The following DOK6 variants were observed in gnomAD, a reference collection of about 807,000 sequenced individuals.
DOK6 encodes downstream of tyrosine kinase 6.
A neutral mutation model predicts 44.0 loss-of-function variants in DOK6; 22 were observed. The ratio of observed to expected loss-of-function variants is 0.50; its 90% CI spans 0.36 to 0.71. The LOEUF is 0.71. DOK6 is among the 30% of genes least tolerant of loss of function. The pLI is 0.00. For missense variants in DOK6, 340 were observed against 416.4 expected, an observed-to-expected ratio of 0.82 and a Z score of 1.60; for synonymous variants, 166 against 145.5, an observed-to-expected ratio of 1.14 and a Z score of -1.01.
intron 1 of DOK6, among the ~76,000 whole-genome samples, chr18:69,530,254 T>TA: frequency 6.6e-6 from 1 of 152,144 alleles, no homozygotes; most frequent in Non-Finnish European, 1.5e-5. Context: ...ACCTTTTTTT[T>TA]ATTATTAACT....
chr18:69,603,530 G>A (rs983757399), intron 3 of DOK6, among the ~76,000 whole-genome samples: 2 of 152,280 alleles, frequency 1.3e-5, no homozygotes, highest in African/African-American at 4.8e-5. Flanking sequence ...CCAGCACTTC[G>A]GGAGGCCGAG....
intron 1 of DOK6, among the ~76,000 whole-genome samples, chr18:69,411,212 T>A (rs1046319941): frequency 6.6e-6 from 1 of 152,160 alleles, no homozygotes; most frequent in African/African-American, 2.4e-5. Flanking sequence ...GGTAACAATA[T>A]GTGTCTAGAT....
At chr18:69,748,029 CAA>C (rs1227574950) in intron 6 of DOK6, among the ~76,000 whole-genome samples, 1 of 151,794 alleles carries the variant, frequency 6.6e-6, no homozygotes, top group Non-Finnish European at 1.5e-5. Flanking sequence ...CACATAGACT[CAA>C]AATAAAAGGG....
intron 3 of DOK6, among the ~76,000 whole-genome samples, chr18:69,643,955 G>A (rs562070291): frequency 5.3e-5 from 8 of 152,260 alleles, no homozygotes; most frequent in East Asian, 1.9e-4. Flanking sequence ...GGATAGGTGC[G>A]TAGTGACATT....
At chr18:69,809,837 C>G (rs1197612350) in intron 7 of DOK6, among the ~76,000 whole-genome samples, 1 of 151,726 alleles carries the variant, frequency 6.6e-6, no homozygotes, top group East Asian at 1.9e-4. Flanking sequence ...TTGAAGAAGA[C>G]ACAAATAAAT....
At chr18:69,626,130 T>A (rs1422053392) in intron 3 of DOK6, among the ~76,000 whole-genome samples, 1 of 152,210 alleles carries the variant, frequency 6.6e-6, no homozygotes, top group African/African-American at 2.4e-5. Flanking sequence ...AGTAATCCAT[T>A]GTATTTTTCT....
chr18:69,662,295 T>TAA (rs1177633067), intron 3 of DOK6: 2 of 152,438 alleles, frequency 1.3e-5, no homozygotes, highest in Non-Finnish European at 2.9e-5. Context: ...GAGCTACTCT[T>TAA]TATAGTCTTC....
In DOK6 at chr18:69,841,904, A is replaced by C. The variant is rs1161807641; in HGVS notation, c.*521A>C. On this transcript the variant is annotated 3_prime_UTR_variant, in exon 8 of 8. Coordinates refer to ENST00000382713, the MANE Select transcript of DOK6 (RefSeq NM_152721.6). ...TAAACCCAGTGACAATTAAAGGAAC[A>C]TGAAATTCAGAACACACTATTAAGC... is the stretch of plus-strand genomic sequence containing the variant. 6.3e-6 allele frequency: 1 copy of C among 158,014 alleles called. No homozygotes were observed. The highest frequency in any genetic ancestry group is 2.4e-5 in the African/African-American group (1 of 41,626). The allele number at this position is 158,014 out of a possible 1,614,324, so 9.8% of individuals were successfully genotyped here. A position where few individuals can be genotyped will look rare whatever the true frequency, so the allele number is the denominator to read the frequency against.
chr18:69,426,707 T>G (rs1978645759), intron 1 of DOK6, among the ~76,000 whole-genome samples: 1 of 152,220 alleles, frequency 6.6e-6, no homozygotes. Context: ...CATACCCATT[T>G]TTTCACTTTG....
At chr18:69,470,182 A>G (rs1980055453) in intron 1 of DOK6, 1 of 151,484 alleles carries the variant, frequency 6.6e-6, no homozygotes, top group Admixed American at 6.6e-5. Context: ...GTCTGGCCCC[A>G]AGTCCAGGGG....
In DOK6 at chr18:69,430,257, G is replaced by A. The variant is rs551405019; in HGVS notation, c.66+28947G>A. Among the ~76,000 whole-genome samples, 345 of 152,278 alleles carry A rather than the reference G, an allele frequency of 2.3e-3. 3 individuals are homozygous for A. Among genetic ancestry groups the A allele is most frequent in the African/African-American group, 7.9e-3 (328 of 41,570 alleles). On this transcript the variant is annotated intron_variant, in intron 1 of 7. Transcript: ENST00000382713. ...CATCCAATTTTAGAATATTTATTATGCCTGTATCTTCAGTCTAAGCATTCA... is the reference window on the plus strand; with the variant it reads ...CATCCAATTTTAGAATATTTATTATACCTGTATCTTCAGTCTAAGCATTCA...
intron 1 of DOK6, among the ~76,000 whole-genome samples, chr18:69,404,556 A>G (rs1340880256): frequency 6.6e-6 from 1 of 152,174 alleles, no homozygotes; most frequent in Non-Finnish European, 1.5e-5. Context: ...ATTGTCATCA[A>G]TATCACTGTA....
At chr18:69,625,390 C>T (rs969933848) in intron 3 of DOK6, among the ~76,000 whole-genome samples, 2 of 152,030 alleles carry the variant, frequency 1.3e-5, no homozygotes, top group African/African-American at 4.8e-5. Flanking sequence ...GGGTAACTTC[C>T]CTGAAATCAC....
intron 1 of DOK6, among the ~76,000 whole-genome samples, chr18:69,425,957 G>A (rs1011016242): frequency 2.6e-5 from 4 of 151,890 alleles, no homozygotes; most frequent in African/African-American, 4.8e-5. Flanking sequence ...CCCTAAAATC[G>A]CAAAGATATT....
chr18:69,598,736 G>C (rs1983804703), intron 2 of DOK6, among the ~76,000 whole-genome samples: 2 of 151,972 alleles, frequency 1.3e-5, no homozygotes, highest in African/African-American at 4.8e-5. Context: ...CCAATAAGGA[G>C]TCAACATCCA....
intron 1 of DOK6, among the ~76,000 whole-genome samples, chr18:69,429,857 G>A (rs1978755760): frequency 5.9e-5 from 9 of 151,410 alleles, no homozygotes; most frequent in African/African-American, 2.2e-4. Flanking sequence ...CTTATCTCTG[G>A]AATTTTTCCA....
intron 7 of DOK6, among the ~76,000 whole-genome samples, chr18:69,835,528 G>T (rs1982028914): frequency 6.6e-6 from 1 of 151,652 alleles, no homozygotes; most frequent in Non-Finnish European, 1.5e-5. Context: ...TGCAGTAAGA[G>T]CCTGTGAAAT....
chr18:69,590,539 T>C (rs1157809511), intron 2 of DOK6, among the ~76,000 whole-genome samples: 1 of 152,066 alleles, frequency 6.6e-6, no homozygotes, highest in East Asian at 1.9e-4. Flanking sequence ...TTAGCTTGTG[T>C]TGAGAGTTGG....
intron 6 of DOK6, among the ~76,000 whole-genome samples, chr18:69,751,727 G>A (rs75398805): frequency 0.035 from 5,344 of 152,134 alleles, 121 homozygotes; most frequent in Middle Eastern, 0.13. Flanking sequence ...ACAAATGGCC[G>A]GGTGCAGTGG....
Sources: allele counts gnomAD v4.1 joint callset (sites outside exome capture counted in the v4.1 genomes callset), GRCh38; gene constraint gnomAD v4.1.1; transcripts MANE v1.5; gene names NCBI Gene and HGNC (gene_info 2026-07-23, HGNC 2026-07-21).